Variants in ATP10B observed in about 807,000 individuals in gnomAD.
ATP10B encodes the protein phospholipid-transporting ATPase VB.
ATP10B carries 122 observed loss-of-function variants against 141.2 expected under a neutral mutation model. That is an observed-to-expected ratio of 0.86 (90% CI 0.75 to 1.00). The LOEUF (loss-of-function observed/expected upper bound fraction) is 1.00. Ranked by LOEUF, ATP10B falls within the 50% of genes least tolerant of loss-of-function variation. The pLI is 0.00. For synonymous variants in ATP10B, 685 were observed against 692.0 expected (o/e 0.99, Z 0.16); for missense variants, 1,876 against 1,825.3 (o/e 1.03, Z -0.51).
intron 2 of ATP10B, among the ~76,000 whole-genome samples, chr5:160,726,103 G>A (rs1236838205): frequency 6.6e-6 from 1 of 152,094 alleles, no homozygotes; most frequent in Non-Finnish European, 1.5e-5. Flanking sequence ...TGAGAGACGC[G>A]CGAGCCTAAC....
intron 3 of ATP10B, among the ~76,000 whole-genome samples, chr5:160,691,173 A>G (rs1764054409): frequency 6.6e-6 from 1 of 152,230 alleles, no homozygotes; most frequent in East Asian, 1.9e-4. Flanking sequence ...ACATGGACAC[A>G]GGGAGGGGAA....
intron 8 of ATP10B, among the ~76,000 whole-genome samples, chr5:160,647,300 T>G (rs73818114): frequency 0.01 from 1,586 of 152,200 alleles, 35 homozygotes; most frequent in African/African-American, 0.036. Flanking sequence ...CATCTGTGGG[T>G]GCCAGGCCTG....
intron 22 of ATP10B, among the ~76,000 whole-genome samples, chr5:160,596,306 A>G (rs549711169): frequency 3.5e-4 from 54 of 152,276 alleles, no homozygotes; most frequent in Non-Finnish European, 6.5e-4. Context: ...TGATTATCCC[A>G]ATAGATGCAG....
chr5:160,790,316 C>A (rs560077231), intron 1 of ATP10B, among the ~76,000 whole-genome samples: 5 of 152,058 alleles, frequency 3.3e-5, no homozygotes, highest in African/African-American at 7.2e-5. Flanking sequence ...ACTCAAGAAA[C>A]CTAAGTAATT....
intron 7 of ATP10B, among the ~76,000 whole-genome samples, chr5:160,667,087 C>A (rs1004117553): frequency 2.0e-5 from 3 of 151,840 alleles, no homozygotes; most frequent in South Asian, 2.1e-4. Flanking sequence ...GCGTGGTGGC[C>A]GGCACCTGTA....
the ATP10B span, among the ~76,000 whole-genome samples, chr5:160,880,431 C>A: frequency 6.6e-6 from 1 of 151,906 alleles, no homozygotes; most frequent in Non-Finnish European, 1.5e-5. Context: ...TCTTTTGTGG[C>A]TATCAACAAA....
chr5:160,780,705 T>G (rs909597187), intron 2 of ATP10B, among the ~76,000 whole-genome samples: 1 of 152,196 alleles, frequency 6.6e-6, no homozygotes, highest in Non-Finnish European at 1.5e-5. Context: ...TAGATACTTT[T>G]AGATTCCAGC....
At chr5:160,672,984 G>T (rs1421955) in intron 6 of ATP10B, among the ~76,000 whole-genome samples, 6 of 151,988 alleles carry the variant, frequency 3.9e-5, no homozygotes, top group East Asian at 3.9e-4. Flanking sequence ...CATTTGGAAG[G>T]CCAAGTCTAT....
intron 24 of ATP10B, among the ~76,000 whole-genome samples, chr5:160,586,148 T>C (rs1755883947): frequency 6.6e-6 from 1 of 152,118 alleles, no homozygotes; most frequent in African/African-American, 2.4e-5. Flanking sequence ...CTCCTGACAG[T>C]CCCCAGTGTG....
At chr5:160,740,242 A>C (rs1007818898) in intron 2 of ATP10B, among the ~76,000 whole-genome samples, 4 of 152,234 alleles carry the variant, frequency 2.6e-5, no homozygotes, top group African/African-American at 9.6e-5. Flanking sequence ...GATAATTTAA[A>C]GGATTTTCAA....
At chr5:160,650,149 TAC>T (rs1760617630) in intron 7 of ATP10B, among the ~76,000 whole-genome samples, 1 of 147,454 alleles carries the variant, frequency 6.8e-6, no homozygotes, top group African/African-American at 2.6e-5. Context: ...CACACACACA[TAC>T]ATATATATAC....
chr5:160,616,033 A>T (rs1346594648), intron 16 of ATP10B, 69 bp from the exon 17 acceptor site: 1 of 1,541,142 alleles, frequency 6.5e-7, no homozygotes, highest in Non-Finnish European at 8.8e-7. Flanking sequence ...CTCTCTTCCC[A>T]CCTGCTGGGT....
the ATP10B span, among the ~76,000 whole-genome samples, chr5:160,906,280 C>A: frequency 1.3e-5 from 2 of 151,646 alleles, no homozygotes; most frequent in African/African-American, 4.8e-5. Flanking sequence ...TTCACTATAG[C>A]GGGAGCTTCA....
chr5:160,636,260 C>T lies in ATP10B; in HGVS notation c.1050G>A (p.Val350=). Residue 350 remains valine, a synonymous_variant, in exon 11 of 26, where the codon GTG becomes GTA. Transcript: ENST00000327245. ...GTFEEHPPFD[V]PDANGSFLPS... is the part of the protein sequence containing the mutation. ...GAAGGAAGCTGCCATTGGCATCTGG[C>T]ACATCGAAGGGAGGGTGTTCTTCAA... The T allele has an allele frequency of 1.2e-6, 2 of 1,613,682 alleles. No homozygotes were observed. The highest frequency in any genetic ancestry group is 1.7e-6 in the Non-Finnish European group (2 of 1,179,758).
intron 2 of ATP10B, among the ~76,000 whole-genome samples, chr5:160,775,850 T>C (rs1252039280): frequency 1.3e-5 from 2 of 151,974 alleles, no homozygotes; most frequent in Admixed American, 6.6e-5. Context: ...CCGGCTAATT[T>C]TTTGTATTTT....
At chr5:160,733,682 T>TAC (rs1554109371) in intron 2 of ATP10B, among the ~76,000 whole-genome samples, 1 of 6,908 alleles carries the variant, frequency 1.4e-4, no homozygotes, top group Admixed American at 6.6e-4. Flanking sequence ...TATATATATA[T>TAC]ACACACACAC....
At chr5:160,747,657 C>T (rs1767894905) in intron 2 of ATP10B, among the ~76,000 whole-genome samples, 1 of 152,080 alleles carries the variant, frequency 6.6e-6, no homozygotes, top group South Asian at 2.1e-4. Context: ...CACTTAGAGG[C>T]TTCAGAGGGG....
chr5:160,879,778 T>TA, the ATP10B span, among the ~76,000 whole-genome samples: 311 of 152,004 alleles, frequency 2.0e-3, no homozygotes, highest in Non-Finnish European at 2.9e-3. Context: ...GTGGAGCTTG[T>TA]AGTGAGCCGA....
chr5:160,572,588 A>C (rs531924335), intron 24 of ATP10B, among the ~76,000 whole-genome samples: 1 of 152,308 alleles, frequency 6.6e-6, no homozygotes, highest in East Asian at 1.9e-4. Flanking sequence ...AAGAGGACTG[A>C]GTGTTCAATC....
Sources: allele counts gnomAD v4.1 joint callset (sites outside exome capture counted in the v4.1 genomes callset), GRCh38; gene constraint gnomAD v4.1.1; transcripts MANE v1.5; gene names NCBI Gene and HGNC (gene_info 2026-07-23, HGNC 2026-07-21).